The following SDHD variants were observed in gnomAD, a reference collection of about 807,000 sequenced individuals.
SDHD encodes the protein succinate dehydrogenase complex subunit D.
In SDHD, 6 loss-of-function variants were observed where a neutral mutation model predicts 18.7. The observed-to-expected ratio is 0.32, with a 90% confidence interval of 0.18 to 0.63. SDHD has a LOEUF of 0.63. Among genes scored for constraint, SDHD ranks in the 30% least tolerant of loss-of-function variants. The pLI, the probability that SDHD is intolerant of heterozygous loss-of-function variation, is 0.79. For synonymous variants in SDHD, 56 were observed against 73.9 expected (o/e 0.76, Z 1.24); for missense variants, 160 against 192.7 (o/e 0.83, Z 1.00).
chr11:112,093,863 A>G (rs895410846), intron 3 of SDHD, among the ~76,000 whole-genome samples: 8 of 152,116 alleles, frequency 5.3e-5, no homozygotes, highest in Non-Finnish European at 1.0e-4. Flanking sequence ...CAGTACATAT[A>G]TATTTACTTT....
rs1429938751 is a variant in SDHD, at chr11:112,095,327, T to A, written c.*357T>A. On this transcript the variant is annotated 3_prime_UTR_variant, in exon 4 of 4. Coordinates refer to ENST00000375549, the MANE Select transcript of SDHD (RefSeq NM_003002.4). ...ATTAGTATATGATCAAACTTCCATA[T>A]TTGCCTTGGGAATAATGGACAAAGG... The A allele has an allele frequency of 8.6e-6, 3 of 347,180 alleles. No homozygotes were observed. Among genetic ancestry groups the A allele is most frequent in the Non-Finnish European group, 1.6e-5 (3 of 184,592 alleles). 21.5% of individuals were successfully genotyped at this position (347,180 alleles called of 1,614,324 possible).
In SDHD at chr11:112,089,027, C is replaced by T. The variant is rs761363469; in HGVS notation, c.314+16C>T. On this transcript the variant is annotated intron_variant, in intron 3 of 3. Transcript: ENST00000375549. ...ATGGTCACTGGCAAGTATAGCAATT[C>T]CAAATATAGTTGTCTGCTCAGTTTG... is the stretch of plus-strand genomic sequence containing the variant. The T allele has an allele frequency of 6.2e-7, 1 of 1,613,872 alleles. No individual in the cohort carries two copies. Among genetic ancestry groups the T allele is most frequent in the South Asian group, 1.1e-5 (1 of 91,082 alleles).
intron 3 of SDHD, among the ~76,000 whole-genome samples, chr11:112,094,379 A>C (rs1226460817): frequency 2.0e-5 from 3 of 149,248 alleles, no homozygotes; most frequent in African/African-American, 4.9e-5. Context: ...GCCTGGGCAA[A>C]AGAGCGAGAC....
chr11:112,088,202 T>C (rs979208785), intron 2 of SDHD: 2 of 554,270 alleles, frequency 3.6e-6, no homozygotes, highest in Non-Finnish European at 6.4e-6. Context: ...TTTTTTCTTT[T>C]GTTTTCTTTT....
rs186437582 is a variant in SDHD at position 112,089,938 on chromosome 11, C to A, written c.314+927C>A. Reference sequence around the variant, plus strand: ...CCCTAAATAGTATAGTTTATTCTTGCCTCTTAAAAAAAAAAAAGAGATGTA... The same window carrying A: ...CCCTAAATAGTATAGTTTATTCTTGACTCTTAAAAAAAAAAAAGAGATGTA... On this transcript the variant is annotated intron_variant, in intron 3 of 3. Coordinates refer to ENST00000375549, the MANE Select transcript of SDHD (RefSeq NM_003002.4). 3.2e-3 allele frequency among the ~76,000 whole-genome samples: 481 copies of A among 150,866 alleles called. 1 individual carries two copies. Among genetic ancestry groups the A allele is most frequent in the Admixed American group, 4.4e-3 (66 of 15,172 alleles).
chr11:112,093,921 CACTT>C (rs1334531480), intron 3 of SDHD, among the ~76,000 whole-genome samples: 5 of 152,308 alleles, frequency 3.3e-5, no homozygotes, highest in Admixed American at 1.3e-4. Context: ...GATGCTGTCT[CACTT>C]ACTATACTCC....
intron 1 of SDHD, 33 bp downstream of exon 1, chr11:112,086,992 G>A (rs2135265052): frequency 3.1e-6 from 5 of 1,612,620 alleles, no homozygotes; most frequent in Non-Finnish European, 4.2e-6. Flanking sequence ...GGTGCTTAGC[G>A]TAGCCTCCAG....
At position 112,090,211 on chromosome 11, in the gene SDHD, G is replaced by A. The variant is rs550383421; in HGVS notation, c.314+1200G>A. Among the ~76,000 whole-genome samples, 9 of 152,202 alleles carry A rather than the reference G, an allele frequency of 5.9e-5. 1 individual carries two copies. Among genetic ancestry groups the A allele is most frequent in the Admixed American group, 3.9e-4 (6 of 15,290 alleles). ...CAACCTCCGCCTCCCAGGTACAAGC[G>A]ATTCTCCCTGCCTCAGCCTCCCAAG... On this transcript the variant is annotated intron_variant, in intron 3 of 3. Coordinates refer to ENST00000375549, the MANE Select transcript of SDHD (RefSeq NM_003002.4).
intron 3 of SDHD, chr11:112,093,096 G>T: frequency 3.0e-6 from 1 of 328,290 alleles, no homozygotes; most frequent in Non-Finnish European, 6.2e-6. Context: ...GTGCAATGGT[G>T]CGATCTTGGC....
At chr11:112,089,108 C>A (rs2135270036) in intron 3 of SDHD, 97 bp downstream of exon 3, 1 of 1,368,118 alleles carries the variant, frequency 7.3e-7, no homozygotes, top group Non-Finnish European at 1.0e-6. Flanking sequence ...ATTGAAATGC[C>A]CTAAATTTGT....
intron 3 of SDHD, chr11:112,093,231 T>C: frequency 3.4e-6 from 1 of 297,676 alleles, no homozygotes; most frequent in Non-Finnish European, 6.8e-6. Context: ...CACGCCTGGC[T>C]AATTTTGTAT....
chr11:112,088,199 T>C, intron 2 of SDHD: 1 of 554,642 alleles, frequency 1.8e-6, no homozygotes, highest in Non-Finnish European at 3.2e-6. Context: ...AATTTTTTTC[T>C]TTTGTTTTCT....
At chr11:112,093,103 TGGCTC>T (rs569933253) in intron 3 of SDHD, 3 of 359,840 alleles carry the variant, frequency 8.3e-6, no homozygotes, top group East Asian at 2.6e-4. Context: ...GGTGCGATCT[TGGCTC>T]GGCACGATCT....
intron 1 of SDHD, among the ~76,000 whole-genome samples, chr11:112,087,246 C>G (rs1178196418): frequency 6.6e-6 from 1 of 152,052 alleles, no homozygotes; most frequent in Non-Finnish European, 1.5e-5. Flanking sequence ...CGTTCACTGT[C>G]CCTAGAATGC....
intron 2 of SDHD, 55 bp downstream of exon 2, chr11:112,088,028 T>G: frequency 8.2e-7 from 1 of 1,216,090 alleles, no homozygotes; most frequent in Non-Finnish European, 1.2e-6. Flanking sequence ...TTACCTTCAC[T>G]AATGGTCATG....
intron 2 of SDHD, among the ~76,000 whole-genome samples, 162 bp from the exon 3 acceptor site, chr11:112,088,703 GAT>G (rs1292547367): frequency 1.3e-5 from 2 of 152,194 alleles, no homozygotes; most frequent in African/African-American, 4.8e-5. Context: ...AAAAAACAGA[GAT>G]AGCTTCTCTC....
Position 112,086,897 on chromosome 11 carries a change from T to A in SDHD, c.-11T>A. On this transcript the variant is annotated 5_prime_UTR_variant, in exon 1 of 4. Coordinates refer to ENST00000375549, the MANE Select transcript of SDHD (RefSeq NM_003002.4). ...CGGGTTGGTGGATGACCTTGAGCCCTCAGGAACGAGATGGCGGTTCTCTGG... is the reference window on the plus strand; with the variant it reads ...CGGGTTGGTGGATGACCTTGAGCCCACAGGAACGAGATGGCGGTTCTCTGG... 1.2e-6 allele frequency: 2 copies of A among 1,614,182 alleles called. No individual in the cohort carries two copies. Among genetic ancestry groups the A allele is most frequent in the Non-Finnish European group, 1.7e-6 (2 of 1,180,034 alleles).
chr11:112,090,848 A>G (rs924406693), intron 3 of SDHD, among the ~76,000 whole-genome samples: 1 of 152,048 alleles, frequency 6.6e-6, no homozygotes, highest in South Asian at 2.1e-4. Context: ...GGCATGCGCC[A>G]GCACACCTGG....
At position 112,095,284 on chromosome 11, in the gene SDHD, GA is replaced by G. The variant is rs1455162991; in HGVS notation, c.*316del. ...TTTCAATTTATCAATCTCTTAAAGA[GA>G]ATCCAACTTTATTACGATTAGTATA... On this transcript the variant is annotated 3_prime_UTR_variant, in exon 4 of 4. Transcript: ENST00000375549. 9.6e-6 allele frequency: 4 copies of G among 415,194 alleles called. No individual in the cohort carries two copies. Among genetic ancestry groups the G allele is most frequent in the African/African-American group, 2.0e-5 (1 of 50,772 alleles). The allele number at this position is 415,194 out of a possible 1,614,324, so 25.7% of individuals were successfully genotyped here.
Sources: gnomAD v4.1 joint callset for allele counts (sites outside exome capture counted in the v4.1 genomes callset) on GRCh38, gnomAD v4.1.1 for gene constraint, MANE v1.5 for transcripts, NCBI Gene and HGNC (gene_info 2026-07-23, HGNC 2026-07-21) for gene names.